ADAM12: variants seen among roughly 807,000 people sequenced by gnomAD.
The protein encoded by ADAM12 is disintegrin and metalloproteinase domain-containing protein 12.
A neutral mutation model predicts 106.4 loss-of-function variants in ADAM12; 70 were observed. The ratio of observed to expected loss-of-function variants is 0.66; its 90% CI spans 0.54 to 0.80. ADAM12 has a LOEUF of 0.80. ADAM12 is among the 30% of genes least tolerant of loss of function. The probability of loss-of-function intolerance (pLI) is 0.00; values close to 1 mark genes in which losing one functional copy is unlikely to be tolerated. For synonymous variants in ADAM12, 420 were observed against 433.5 expected, an observed-to-expected ratio of 0.97 and a Z score of 0.39; for missense variants, 1,010 against 1,171.9, an observed-to-expected ratio of 0.86 and a Z score of 2.02.
chr10:126,183,751 T>A (rs1295443738), intron 3 of ADAM12, among the ~76,000 whole-genome samples: 1 of 152,200 alleles, frequency 6.6e-6, no homozygotes, highest in African/African-American at 2.4e-5. Flanking sequence ...GCCTGTGACA[T>A]CTTTTCTCCT....
At chr10:126,328,242 A>T (rs1590787225) in intron 2 of ADAM12, among the ~76,000 whole-genome samples, 1 of 152,282 alleles carries the variant, frequency 6.6e-6, no homozygotes, top group Non-Finnish European at 1.5e-5. Flanking sequence ...CACCTGGCAC[A>T]TAATAGGTGC....
intron 2 of ADAM12, among the ~76,000 whole-genome samples, chr10:126,321,910 G>GC (rs1329808027): frequency 1.4e-5 from 2 of 142,296 alleles, no homozygotes; most frequent in Non-Finnish European, 3.1e-5. Context: ...GGGGTCGGGG[G>GC]GGGGGCTTCA....
At chr10:126,369,972 T>C (rs1161155358) in intron 1 of ADAM12, among the ~76,000 whole-genome samples, 1 of 152,236 alleles carries the variant, frequency 6.6e-6, no homozygotes, top group Non-Finnish European at 1.5e-5. Context: ...TTATATTGCC[T>C]TCTCAGTCTG....
At chr10:126,193,987 G>A (rs1376256491) in intron 3 of ADAM12, among the ~76,000 whole-genome samples, 2 of 151,160 alleles carry the variant, frequency 1.3e-5, no homozygotes, top group East Asian at 3.8e-4. Context: ...AAGTTGAGGG[G>A]TTGATTTGGA....
chr10:126,268,484 T>C (rs139597167), intron 3 of ADAM12, among the ~76,000 whole-genome samples: 12 of 152,352 alleles, frequency 7.9e-5, no homozygotes, highest in African/African-American at 2.9e-4. Context: ...AGCTTTGTAA[T>C]GATGATGCTA....
intron 1 of ADAM12, among the ~76,000 whole-genome samples, chr10:126,339,346 A>G (rs1021968191): frequency 6.6e-6 from 1 of 152,198 alleles, no homozygotes; most frequent in Non-Finnish European, 1.5e-5. Flanking sequence ...TCTCCCAGCG[A>G]AAAACCAACA....
chr10:126,136,023 C>T (rs940126463), intron 4 of ADAM12, among the ~76,000 whole-genome samples: 12 of 152,230 alleles, frequency 7.9e-5, no homozygotes, highest in Non-Finnish European at 1.3e-4. Context: ...AGATGAAGAA[C>T]TGTAGGGGGT....
rs541971225 is a variant in ADAM12 at position 126,268,238 on chromosome 10, C to T, written c.260+10677G>A. Among the ~76,000 whole-genome samples, 8 of 152,322 alleles carry T rather than the reference C, an allele frequency of 5.3e-5. No homozygotes were observed. In the South Asian group the frequency reaches 1.7e-3, roughly 32 times the overall value. ...TAAATAGAATCGCATAATATTTGTC[C>T]TTTAGTGTCTGAGTCATTTCACTTA... is the stretch of plus-strand genomic sequence containing the variant. On this transcript the variant is annotated intron_variant, in intron 3 of 22. Coordinates refer to ENST00000448723, the MANE Select transcript of ADAM12 (RefSeq NM_001288973.2).
intron 3 of ADAM12, among the ~76,000 whole-genome samples, chr10:126,272,544 A>C (rs1231732333): frequency 6.6e-6 from 1 of 152,250 alleles, no homozygotes; most frequent in Non-Finnish European, 1.5e-5. Context: ...GATTCTGATA[A>C]AGATCAGTTA....
chr10:126,026,549 A>G (rs1427082590), intron 21 of ADAM12, among the ~76,000 whole-genome samples: 2 of 152,220 alleles, frequency 1.3e-5, no homozygotes, highest in Non-Finnish European at 2.9e-5. Context: ...AGCTAATGCA[A>G]AAGAACTGAA....
chr10:126,091,327 G>A (rs905222380), intron 11 of ADAM12, among the ~76,000 whole-genome samples: 3 of 152,198 alleles, frequency 2.0e-5, no homozygotes, highest in African/African-American at 4.8e-5. Context: ...CGGAGCAGCC[G>A]GGAAAACTCC....
chr10:126,275,502 C>T (rs898984648), intron 3 of ADAM12, among the ~76,000 whole-genome samples: 11 of 152,160 alleles, frequency 7.2e-5, no homozygotes, highest in African/African-American at 9.7e-5. Flanking sequence ...CATGAAGAAT[C>T]GGTTCACCAC....
intron 2 of ADAM12, among the ~76,000 whole-genome samples, chr10:126,304,526 CTATAAG>C (rs754738297): frequency 7.9e-5 from 12 of 151,984 alleles, no homozygotes; most frequent in East Asian, 1.9e-4. Context: ...AAGAAACCCA[CTATAAG>C]TATAACAATG....
At chr10:126,141,226 G>A (rs1344325462) in intron 4 of ADAM12, among the ~76,000 whole-genome samples, 1 of 152,216 alleles carries the variant, frequency 6.6e-6, no homozygotes, top group African/African-American at 2.4e-5. Context: ...ACAACCCTCT[G>A]CAGACCTTCC....
At chr10:126,189,768 T>C (rs1007629384) in intron 3 of ADAM12, among the ~76,000 whole-genome samples, 8 of 151,978 alleles carry the variant, frequency 5.3e-5, no homozygotes, top group Non-Finnish European at 8.8e-5. Flanking sequence ...GTCCCTCGCC[T>C]CAGTGGCTCC....
chr10:126,183,250 C>T (rs191832063), intron 3 of ADAM12, among the ~76,000 whole-genome samples: 31 of 152,194 alleles, frequency 2.0e-4, no homozygotes, highest in South Asian at 6.2e-4. Context: ...TATATTACAA[C>T]GTAATAATAA....
chr10:126,137,252 T>C (rs1181004015), intron 4 of ADAM12, among the ~76,000 whole-genome samples: 2 of 152,222 alleles, frequency 1.3e-5, no homozygotes, highest in African/African-American at 4.8e-5. Flanking sequence ...GCCACTTTTG[T>C]ACTCTCTGTG....
chr10:126,259,617 T>A (rs1958959624), intron 3 of ADAM12, among the ~76,000 whole-genome samples: 1 of 152,226 alleles, frequency 6.6e-6, no homozygotes, highest in Non-Finnish European at 1.5e-5. Context: ...TTTGATGTCC[T>A]GATTTCCTTT....
intron 4 of ADAM12, among the ~76,000 whole-genome samples, chr10:126,136,105 A>AGAGGAAGTGGGTGTGAAG (rs1956400910): frequency 6.6e-6 from 1 of 151,720 alleles, no homozygotes; most frequent in Admixed American, 6.6e-5. Context: ...AAAGCAGATG[A>AGAGGAAGTGGGTGTGAAG]GAGGAAGTGG....
Sources: gnomAD v4.1 joint callset for allele counts (sites outside exome capture counted in the v4.1 genomes callset) on GRCh38, gnomAD v4.1.1 for gene constraint, MANE v1.5 for transcripts, NCBI Gene and HGNC (gene_info 2026-07-23, HGNC 2026-07-21) for gene names.